Variants in TGFBR1 observed in about 807,000 individuals in gnomAD.
TGFBR1 encodes the protein TGF-beta receptor type-1.
A neutral mutation model predicts 55.1 loss-of-function variants in TGFBR1; 20 were observed. The ratio of observed to expected loss-of-function variants is 0.36; its 90% CI spans 0.26 to 0.53. The LOEUF (loss-of-function observed/expected upper bound fraction) is 0.53, where lower values mean the gene tolerates loss of function less well. Among genes scored for constraint, TGFBR1 ranks in the 20% least tolerant of loss-of-function variants. TGFBR1 has a pLI of 0.91. For synonymous variants in TGFBR1, 220 were observed against 214.8 expected (o/e 1.02, Z -0.21); for missense variants, 385 against 617.6 (o/e 0.62, Z 3.99).
At chr9:99,145,545 G>C (rs1165718731) in intron 6 of TGFBR1, among the ~76,000 whole-genome samples, 2 of 152,184 alleles carry the variant, frequency 1.3e-5, no homozygotes, top group East Asian at 3.9e-4. Flanking sequence ...CCATCACAGT[G>C]CCTAATACAT....
intron 1 of TGFBR1, among the ~76,000 whole-genome samples, chr9:99,121,338 G>A (rs1826892783): frequency 6.6e-6 from 1 of 152,178 alleles, no homozygotes; most frequent in African/African-American, 2.4e-5. Context: ...AGGATAGTAG[G>A]CTGGAGGGAA....
chr9:99,128,657 C>T (rs947397703), intron 1 of TGFBR1, 198 bp from the exon 2 acceptor site: 1 of 754,202 alleles, frequency 1.3e-6, no homozygotes, highest in Non-Finnish European at 2.2e-6. Flanking sequence ...TTTCCTTGGG[C>T]TTCCACGTGT....
At chr9:99,125,369 A>C (rs1339079744) in intron 1 of TGFBR1, among the ~76,000 whole-genome samples, 1 of 152,262 alleles carries the variant, frequency 6.6e-6, no homozygotes, top group East Asian at 1.9e-4. Flanking sequence ...AATCTTCATT[A>C]AATGATTTTC....
At chr9:99,116,318 A>G (rs905008099) in intron 1 of TGFBR1, among the ~76,000 whole-genome samples, 1 of 152,202 alleles carries the variant, frequency 6.6e-6, no homozygotes, top group Non-Finnish European at 1.5e-5. Flanking sequence ...CATCAGGCAG[A>G]AGTCTTAAGG....
intron 1 of TGFBR1, among the ~76,000 whole-genome samples, chr9:99,111,586 G>A (rs1588560831): frequency 6.6e-6 from 1 of 151,862 alleles, no homozygotes; most frequent in African/African-American, 2.4e-5. Context: ...CCGAGATTGC[G>A]CCACTGCACT....
chr9:99,132,076 TTTTTTGTTG>T (rs1434261577), intron 2 of TGFBR1, among the ~76,000 whole-genome samples: 4 of 152,172 alleles, frequency 2.6e-5, no homozygotes, highest in Non-Finnish European at 4.4e-5. Flanking sequence ...TTTTGTTGTT[TTTTTTGTTG>T]TTGTTTTTCT....
upstream of TGFBR1, chr9:99,103,980 G>T (rs935342779): frequency 6.6e-6 from 1 of 152,124 alleles, no homozygotes; most frequent in East Asian, 1.9e-4. Context: ...CTCCTTAAAA[G>T]GTTCTGCGGA....
chr9:99,117,912 A>G (rs1826794555), intron 1 of TGFBR1, among the ~76,000 whole-genome samples: 1 of 152,190 alleles, frequency 6.6e-6, no homozygotes, highest in Admixed American at 6.5e-5. Flanking sequence ...AGATCACTTT[A>G]TGGAATATTG....
intron 1 of TGFBR1, among the ~76,000 whole-genome samples, chr9:99,109,045 A>G (rs1388673935): frequency 6.6e-6 from 1 of 152,212 alleles, no homozygotes; most frequent in Non-Finnish European, 1.5e-5. Context: ...GTGCTTTAAA[A>G]TGTGAAGGAC....
intron 3 of TGFBR1, among the ~76,000 whole-genome samples, chr9:99,135,124 AC>A (rs1456262898): frequency 6.6e-6 from 1 of 152,124 alleles, no homozygotes; most frequent in Non-Finnish European, 1.5e-5. Context: ...GACAAGTGTT[AC>A]TCTTATTGAA....
chr9:99,152,399 A>G lies in TGFBR1; in HGVS notation c.*3094A>G, dbSNP rs191007659. ...GTAAGGTCTGAAGAGCTGAGCCTGT[A>G]ATTCTGCTGTAATAATGATAGTGCT... On this transcript the variant is annotated 3_prime_UTR_variant, in exon 9 of 9. Coordinates refer to ENST00000374994, the MANE Select transcript of TGFBR1 (RefSeq NM_004612.4). 8.8e-6 allele frequency: 2 copies of G among 226,684 alleles called. No individual in the cohort carries two copies. The highest frequency in any genetic ancestry group is 4.4e-5 in the African/African-American group (2 of 45,054). The allele number at this position is 226,684 out of a possible 1,614,324, so 14.0% of individuals were successfully genotyped here.
At chr9:99,118,468 T>G (rs943440591) in intron 1 of TGFBR1, among the ~76,000 whole-genome samples, 3 of 152,186 alleles carry the variant, frequency 2.0e-5, no homozygotes, top group Non-Finnish European at 4.4e-5. Context: ...TCTGATTATT[T>G]CAGAATTTTT....
intron 8 of TGFBR1, among the ~76,000 whole-genome samples, 166 bp from the exon 9 acceptor site, chr9:99,149,014 A>G (rs1456038569): frequency 1.3e-5 from 2 of 152,198 alleles, no homozygotes; most frequent in African/African-American, 4.8e-5. Flanking sequence ...CCAGTACCCT[A>G]TTGATGGAAA....
Position 99,132,250 on chromosome 9 carries a change from T to C in TGFBR1, c.344-259T>C, listed in dbSNP as rs11568764. Reference sequence around the variant, plus strand: ...GAAGGTCCTATGATATTGGCGGCAGTTGGCCTTGTAATGATGGCTGAAGAA... The same window carrying C: ...GAAGGTCCTATGATATTGGCGGCAGCTGGCCTTGTAATGATGGCTGAAGAA... On this transcript the variant is annotated intron_variant, in intron 2 of 8. Transcript: ENST00000374994. 1.8e-3 allele frequency among the ~76,000 whole-genome samples: 281 copies of C among 152,294 alleles called. 12 individuals carry two copies. The East Asian group carries it at 0.049, about 26-fold the overall frequency.
Position 99,151,396 on chromosome 9 carries a change from T to TG in TGFBR1, c.*2092dup, listed in dbSNP as rs1491366131. On this transcript the variant is annotated 3_prime_UTR_variant, in exon 9 of 9. Coordinates refer to ENST00000374994, the MANE Select transcript of TGFBR1 (RefSeq NM_004612.4). ...ACTTTTTTTGTGGGGGTTTTTTTTT[T>TG]GTTTTTTTTTTTTTGTTGTTGTTTT... 4 of 211,664 alleles carry TG rather than the reference T, an allele frequency of 1.9e-5. No individual in the cohort carries two copies. The highest frequency in any genetic ancestry group is 2.1e-4 in the South Asian group (1 of 4,816). 13.1% of individuals were successfully genotyped at this position (211,664 alleles called of 1,614,324 possible). A position where few individuals can be genotyped will look rare whatever the true frequency, so the allele number is the denominator to read the frequency against.
At chr9:99,131,917 A>G (rs1251107728) in intron 2 of TGFBR1, among the ~76,000 whole-genome samples, 6 of 151,942 alleles carry the variant, frequency 3.9e-5, no homozygotes, top group African/African-American at 1.4e-4. Flanking sequence ...GCAGTGAGCC[A>G]ACATCATACC....
chr9:99,140,723 T>G (rs1827589739), intron 4 of TGFBR1, among the ~76,000 whole-genome samples: 1 of 152,230 alleles, frequency 6.6e-6, no homozygotes, highest in East Asian at 1.9e-4. Context: ...AATTTCTTCC[T>G]TAAGAACATA....
At chr9:99,147,553 T>C in intron 7 of TGFBR1, 101 bp from the exon 8 acceptor site, 1 of 1,106,126 alleles carries the variant, frequency 9.0e-7, no homozygotes. Flanking sequence ...ATACCTACTT[T>C]AGTAATGAAA....
At chr9:99,125,906 G>A (rs1404454665) in intron 1 of TGFBR1, among the ~76,000 whole-genome samples, 1 of 152,102 alleles carries the variant, frequency 6.6e-6, no homozygotes, top group African/African-American at 2.4e-5. Context: ...ATTCAGAGAT[G>A]TGAAAAACAA....
Sources: allele counts gnomAD v4.1 joint callset (sites outside exome capture counted in the v4.1 genomes callset), GRCh38; gene constraint gnomAD v4.1.1; transcripts MANE v1.5; gene names NCBI Gene and HGNC (gene_info 2026-07-23, HGNC 2026-07-21).